The following TMPRSS15 variants were observed in gnomAD, a reference collection of about 807,000 sequenced individuals.
The protein encoded by TMPRSS15 is transmembrane serine protease 15, also known as enteropeptidase.
Under a neutral mutation model 125.3 loss-of-function variants are expected in TMPRSS15, and 128 were observed. The observed-to-expected ratio is 1.02, with a 90% CI of 0.89 to 1.18. The LOEUF is 1.18. TMPRSS15 is among the 50% of genes most tolerant of loss of function. The pLI is 0.00. For synonymous variants in TMPRSS15, 446 were observed against 423.2 expected (o/e 1.05, Z -0.66); for missense variants, 1,283 against 1,212.7 (o/e 1.06, Z -0.86).
In TMPRSS15 at chr21:18,383,639, C is replaced by T. The variant is rs377303023; in HGVS notation, c.484G>A (p.Val162Ile). ...LVTFHIDLNSVDILDKLTTTS... is the reference protein window; with the variant it reads ...LVTFHIDLNSIDILDKLTTTS... ...TGTTCACACATACCTAGGATATCAA[C>T]GCTGTTCAAATCAATATGGAAAGTG... is the stretch of plus-strand genomic sequence containing the variant. The change falls in exon 4 of 25, where the codon GTT becomes ATT. Residue 162 changes from valine to isoleucine, a missense_variant. Physicochemically the swap from Val to Ile is conservative, Grantham distance 29. Coordinates refer to ENST00000284885, the MANE Select transcript of TMPRSS15 (RefSeq NM_002772.3). 30 of 1,613,638 alleles carry T rather than the reference C, an allele frequency of 1.9e-5. No homozygotes were observed. In the Middle Eastern group the frequency reaches 4.9e-4, roughly 27 times the overall value.
Position 18,355,262 on chromosome 21 carries a change from C to A in TMPRSS15, c.881-1399G>T, listed in dbSNP as rs546662293. On this transcript the variant is annotated intron_variant, in intron 8 of 24. Transcript: ENST00000284885. The stretch of plus-strand genomic sequence containing the variant: ...CTTTTTATTCCATGGCAATGGAATT[C>A]TCTTGGACAATGGCCTCTGGCTGGC... Among the ~76,000 whole-genome samples the A allele has an allele frequency of 2.0e-5, 3 of 151,826 alleles. 1 individual carries two copies. The South Asian group carries it at 6.2e-4, about 32-fold the overall frequency.
chr21:18,399,348 T>C (rs1266065013), intron 1 of TMPRSS15, among the ~76,000 whole-genome samples: 1 of 152,110 alleles, frequency 6.6e-6, no homozygotes, highest in East Asian at 1.9e-4. Context: ...ATTAAGAGGA[T>C]AATTAGAAAT....
At chr21:18,428,385 G>C (rs1161674863) in intron 1 of TMPRSS15, among the ~76,000 whole-genome samples, 2 of 152,176 alleles carry the variant, frequency 1.3e-5, no homozygotes, top group African/African-American at 4.8e-5. Context: ...GCAGAAATTT[G>C]CATAAGTAAC....
intron 1 of TMPRSS15, among the ~76,000 whole-genome samples, chr21:18,421,014 A>G (rs907429470): frequency 2.6e-5 from 4 of 152,268 alleles, no homozygotes; most frequent in Non-Finnish European, 4.4e-5. Context: ...TTATATGTAC[A>G]CTACATTTCT....
chr21:18,412,955 A>C (rs1227915890), intron 1 of TMPRSS15, among the ~76,000 whole-genome samples: 1 of 152,132 alleles, frequency 6.6e-6, no homozygotes, highest in Non-Finnish European at 1.5e-5. Flanking sequence ...AAATAAGATA[A>C]ATTTTAAATA....
At chr21:18,466,924 A>T (rs1350613795) in intron 1 of TMPRSS15, among the ~76,000 whole-genome samples, 1 of 152,184 alleles carries the variant, frequency 6.6e-6, no homozygotes, top group East Asian at 1.9e-4. Context: ...TACCCAAAGG[A>T]TTATAAATCA....
chr21:18,315,874 T>C (rs964903419), intron 16 of TMPRSS15, among the ~76,000 whole-genome samples: 5 of 148,686 alleles, frequency 3.4e-5, no homozygotes, highest in Non-Finnish European at 5.9e-5. Context: ...ATAATAAACA[T>C]GAGTCCTTTG....
Position 18,270,033 on chromosome 21 carries a change from T to G in TMPRSS15, c.2996A>C (p.Asn999Thr), listed in dbSNP as rs760547201. The change falls in exon 25 of 25, where the codon AAT becomes ACT. Residue 999 changes from asparagine (N) to threonine (T), a missense_variant. By Grantham distance (65) the Asn-to-Thr change is moderately conservative (BLOSUM62 0). Coordinates refer to ENST00000284885, the MANE Select transcript of TMPRSS15 (RefSeq NM_002772.3). The part of the protein sequence containing the change: ...TSFGYKCALP[N>T]RPGVYARVSR... ...GACCCTGGCATACACTCCGGGGCGA[T>G]TAGGCAGGGCACACTTGTATCCAAA... 1 of 1,613,988 alleles carries G rather than the reference T, an allele frequency of 6.2e-7. No homozygotes were observed. The highest frequency in any genetic ancestry group is 8.5e-7 in the Non-Finnish European group (1 of 1,179,912).
chr21:18,429,133 A>T (rs2076210801), intron 1 of TMPRSS15, among the ~76,000 whole-genome samples: 1 of 152,156 alleles, frequency 6.6e-6, no homozygotes, highest in Admixed American at 6.5e-5. Context: ...TGGATTTCAG[A>T]CTAGCATGGG....
At chr21:18,327,534 T>A (rs2075303867) in intron 15 of TMPRSS15, among the ~76,000 whole-genome samples, 1 of 152,164 alleles carries the variant, frequency 6.6e-6, no homozygotes, top group Non-Finnish European at 1.5e-5. Flanking sequence ...GAATTCTACA[T>A]AAGGGTTGAC....
intron 1 of TMPRSS15, among the ~76,000 whole-genome samples, chr21:18,419,644 A>C (rs1175171523): frequency 6.6e-6 from 1 of 152,094 alleles, no homozygotes; most frequent in Non-Finnish European, 1.5e-5. Context: ...CGAAATTTTA[A>C]CTATGGAGAT....
chr21:18,372,287 A>G lies in TMPRSS15; in HGVS notation c.570T>C (p.Pro190=). 1 of 1,613,472 alleles carries G rather than the reference A, an allele frequency of 6.2e-7. No homozygotes were observed. The highest frequency in any genetic ancestry group is 8.5e-7 in the Non-Finnish European group (1 of 1,179,542). The part of the protein sequence containing the change: ...VSIECLPGSS[P]CTDALTCIKA... ...TTATACACGTTAGAGCATCAGTACA[A>G]GGACTTGAACCAGGCAGGCACTCTA... Residue 190 remains proline (P), a synonymous_variant, in exon 6 of 25, where the codon CCT becomes CCC. Coordinates refer to ENST00000284885, the MANE Select transcript of TMPRSS15 (RefSeq NM_002772.3).
chr21:18,327,238 CTTAT>C (rs2075301218), intron 15 of TMPRSS15, among the ~76,000 whole-genome samples: 2 of 152,118 alleles, frequency 1.3e-5, no homozygotes, highest in African/African-American at 2.4e-5. Flanking sequence ...TTCTGGAATT[CTTAT>C]TTACTTTTCA....
chr21:18,317,288 G>A (rs1275917961), intron 16 of TMPRSS15, among the ~76,000 whole-genome samples: 1 of 151,422 alleles, frequency 6.6e-6, no homozygotes, highest in Admixed American at 6.6e-5. Flanking sequence ...CTAAAGAGAG[G>A]GACTCAGTAT....
chr21:18,370,824 T>C (rs1569038994), intron 6 of TMPRSS15, among the ~76,000 whole-genome samples: 1 of 152,150 alleles, frequency 6.6e-6, no homozygotes, highest in Non-Finnish European at 1.5e-5. Context: ...ACTAAGTGGA[T>C]AGGTAGCTTT....
chr21:18,427,077 G>C (rs1199110345), intron 1 of TMPRSS15, among the ~76,000 whole-genome samples: 1 of 152,176 alleles, frequency 6.6e-6, no homozygotes. Flanking sequence ...TAATATCACT[G>C]GTTATTAGCT....
intron 6 of TMPRSS15, among the ~76,000 whole-genome samples, chr21:18,368,688 G>C (rs946260404): frequency 2.6e-5 from 4 of 152,160 alleles, no homozygotes; most frequent in Non-Finnish European, 5.9e-5. Flanking sequence ...TTCCTGTCCA[G>C]TATTCTATCA....
intron 16 of TMPRSS15, among the ~76,000 whole-genome samples, chr21:18,319,752 T>G (rs1212110566): frequency 1.3e-5 from 2 of 152,150 alleles, no homozygotes; most frequent in Admixed American, 1.3e-4. Flanking sequence ...CAAGTTAACA[T>G]TTTTACTCCA....
At chr21:18,353,161 G>A in intron 9 of TMPRSS15, 109 bp from the exon 10 acceptor site, 1 of 952,108 alleles carries the variant, frequency 1.1e-6, no homozygotes, top group Non-Finnish European at 1.6e-6. Context: ...TACTTCAGTG[G>A]TATGTACAAA....
Sources: allele counts gnomAD v4.1 joint callset (sites outside exome capture counted in the v4.1 genomes callset), GRCh38; gene constraint gnomAD v4.1.1; transcripts MANE v1.5; gene names NCBI Gene and HGNC (gene_info 2026-07-23, HGNC 2026-07-21).